The following NPAS3 variants were observed in gnomAD, a reference collection of about 807,000 sequenced individuals.
The protein encoded by NPAS3 is neuronal PAS domain protein 3.
In NPAS3, 14 loss-of-function variants were observed where a neutral mutation model predicts 73.1. The ratio of observed to expected loss-of-function variants is 0.19; its 90% CI spans 0.13 to 0.30. The LOEUF (loss-of-function observed/expected upper bound fraction) is 0.30, where lower values mean the gene tolerates loss of function less well. Among genes scored for constraint, NPAS3 ranks in the 10% least tolerant of loss-of-function variants. The probability of loss-of-function intolerance (pLI) is 1.00; values close to 1 mark genes in which losing one functional copy is unlikely to be tolerated. For synonymous variants in NPAS3, 620 were observed against 541.5 expected (o/e 1.14, Z -2.01); for missense variants, 1,096 against 1,250.0 (o/e 0.88, Z 1.86).
chr14:33,600,940 G>A (rs1200375059), intron 5 of NPAS3, among the ~76,000 whole-genome samples: 3 of 152,162 alleles, frequency 2.0e-5, no homozygotes, highest in Non-Finnish European at 2.9e-5. Context: ...GAGAGGTGAG[G>A]CCATGAGCAC....
At chr14:33,746,975 A>G (rs2061825115) in intron 7 of NPAS3, among the ~76,000 whole-genome samples, 1 of 147,332 alleles carries the variant, frequency 6.8e-6, no homozygotes, top group Non-Finnish European at 1.5e-5. Flanking sequence ...ATTCCCACCT[A>G]TGAGTGAGAA....
intron 4 of NPAS3, among the ~76,000 whole-genome samples, chr14:33,397,613 A>G (rs2047278155): frequency 6.6e-6 from 1 of 152,132 alleles, no homozygotes; most frequent in African/African-American, 2.4e-5. Flanking sequence ...TATGTGCACT[A>G]TATGCACCAA....
intron 4 of NPAS3, among the ~76,000 whole-genome samples, chr14:33,539,511 C>T (rs1177855643): frequency 6.6e-6 from 1 of 152,064 alleles, no homozygotes; most frequent in Non-Finnish European, 1.5e-5. Flanking sequence ...ATTAATTTCG[C>T]AGGGTGCCTT....
At chr14:33,170,252 T>C (rs2045339843) in intron 2 of NPAS3, among the ~76,000 whole-genome samples, 1 of 152,236 alleles carries the variant, frequency 6.6e-6, no homozygotes, top group African/African-American at 2.4e-5. Flanking sequence ...CATTATGCTG[T>C]AGTCTAAGGG....
intron 3 of NPAS3, among the ~76,000 whole-genome samples, chr14:33,355,496 C>T (rs2045297422): frequency 6.6e-6 from 1 of 152,150 alleles, no homozygotes; most frequent in Admixed American, 6.5e-5. Context: ...GATAGGGTTT[C>T]ACCATGTTGG....
In NPAS3 at chr14:33,352,943, G is replaced by A. The variant is rs150096599; in HGVS notation, c.386-14243G>A. On this transcript the variant is annotated intron_variant, in intron 3 of 11. Transcript: ENST00000356141. ...GAAAGTGACTATATAGGTCTTATCAGAATCTGAAAACCTCAAAGCAGACTG... is the reference window on the plus strand; with the variant it reads ...GAAAGTGACTATATAGGTCTTATCAAAATCTGAAAACCTCAAAGCAGACTG... 2.0e-4 allele frequency among the ~76,000 whole-genome samples: 30 copies of A among 152,246 alleles called. No homozygotes were observed. The East Asian group carries it at 5.8e-3, about 29-fold the overall frequency.
At chr14:33,221,296 A>G (rs2047417487) in intron 3 of NPAS3, among the ~76,000 whole-genome samples, 1 of 152,210 alleles carries the variant, frequency 6.6e-6, no homozygotes. Flanking sequence ...ATCACGTGGC[A>G]CAGACCAAAG....
intron 3 of NPAS3, among the ~76,000 whole-genome samples, chr14:33,303,774 T>C (rs983426583): frequency 3.0e-5 from 4 of 135,128 alleles, no homozygotes; most frequent in Non-Finnish European, 4.7e-5. Flanking sequence ...TATTGGAGAA[T>C]AGCAGTTATG....
intron 2 of NPAS3, among the ~76,000 whole-genome samples, chr14:33,065,223 T>G (rs1186493419): frequency 3.9e-5 from 6 of 152,176 alleles, no homozygotes; most frequent in Admixed American, 3.9e-4. Context: ...GTTTTGCAGT[T>G]ATAGAACGAA....
chr14:33,180,227 A>AT (rs1316143535), intron 2 of NPAS3, among the ~76,000 whole-genome samples: 1 of 151,764 alleles, frequency 6.6e-6, no homozygotes, highest in East Asian at 1.9e-4. Flanking sequence ...AAAGCCTTAA[A>AT]TTTTTTTGTT....
intron 2 of NPAS3, among the ~76,000 whole-genome samples, chr14:33,079,891 G>A (rs1455224890): frequency 6.6e-6 from 1 of 151,990 alleles, no homozygotes; most frequent in African/African-American, 2.4e-5. Flanking sequence ...GGGATTACAG[G>A]CATGAGCTAT....
chr14:33,400,545 G>A (rs1390906578), intron 4 of NPAS3, among the ~76,000 whole-genome samples: 22 of 152,106 alleles, frequency 1.4e-4, no homozygotes, highest in Admixed American at 1.4e-3. Context: ...CTGTGAAATT[G>A]TTCTGCCAGA....
intron 5 of NPAS3, among the ~76,000 whole-genome samples, chr14:33,621,519 A>C (rs952566597): frequency 2.0e-5 from 3 of 152,194 alleles, no homozygotes; most frequent in African/African-American, 7.2e-5. Context: ...ATAATGGAGG[A>C]ATCTAATTTT....
At chr14:33,661,235 T>C (rs1049186011) in intron 5 of NPAS3, among the ~76,000 whole-genome samples, 1 of 152,190 alleles carries the variant, frequency 6.6e-6, no homozygotes, top group African/African-American at 2.4e-5. Context: ...TAAGGGTTCC[T>C]TCCTTAATAT....
intron 2 of NPAS3, among the ~76,000 whole-genome samples, chr14:33,069,433 G>A (rs759778090): frequency 6.6e-6 from 1 of 152,116 alleles, no homozygotes; most frequent in African/African-American, 2.4e-5. Context: ...CTCGTTAAAG[G>A]CCAATGATTG....
chr14:33,033,514 T>C (rs1490637061), intron 1 of NPAS3, among the ~76,000 whole-genome samples: 4 of 152,140 alleles, frequency 2.6e-5, no homozygotes, highest in Non-Finnish European at 5.9e-5. Flanking sequence ...TGTTTGTACA[T>C]GTGTATATAC....
chr14:33,210,358 CT>C (rs143987176), intron 2 of NPAS3, among the ~76,000 whole-genome samples: 13,027 of 152,114 alleles, frequency 0.086, 761 homozygotes, highest in Non-Finnish European at 0.12. Context: ...AGTAGCACCC[CT>C]TTTTTCAAAC....
chr14:33,649,722 A>AG (rs1291526010), intron 5 of NPAS3, among the ~76,000 whole-genome samples: 1 of 152,194 alleles, frequency 6.6e-6, no homozygotes, highest in Non-Finnish European at 1.5e-5. Context: ...TAGGCAGGGA[A>AG]GGGGAATAGG....
intron 4 of NPAS3, among the ~76,000 whole-genome samples, chr14:33,493,501 C>T (rs192010410): frequency 6.6e-6 from 1 of 152,116 alleles, no homozygotes; most frequent in African/African-American, 2.4e-5. Flanking sequence ...ACCGATCTTC[C>T]TGTGTGTGTT....
Sources: gnomAD v4.1 joint callset for allele counts (sites outside exome capture counted in the v4.1 genomes callset) on GRCh38, gnomAD v4.1.1 for gene constraint, MANE v1.5 for transcripts, NCBI Gene and HGNC (gene_info 2026-07-23, HGNC 2026-07-21) for gene names.